PLEKHA4: variants seen among roughly 807,000 people sequenced by gnomAD.
PLEKHA4 encodes the protein pleckstrin homology domain containing A4, also known as pleckstrin homology domain-containing family A member 4.
PLEKHA4 carries 73 observed loss-of-function variants against 94.7 expected under a neutral mutation model. The ratio of observed to expected loss-of-function variants is 0.77; its 90% CI spans 0.64 to 0.94. The LOEUF is 0.94. PLEKHA4 is among the 40% of genes least tolerant of loss of function. The pLI is 0.00. For missense variants in PLEKHA4, 1,049 were observed against 1,054.1 expected (o/e 1.00, Z 0.07); for synonymous variants, 449 against 437.1 (o/e 1.03, Z -0.34).
intron 13 of PLEKHA4, among the ~76,000 whole-genome samples, chr19:48,850,951 C>T (rs1270925705): frequency 6.6e-6 from 1 of 151,828 alleles, no homozygotes; most frequent in Admixed American, 6.6e-5. Context: ...ACCAGCCTGA[C>T]CAACATGGTG....
chr19:48,859,203 C>T, intron 7 of PLEKHA4, 64 bp from the exon 8 acceptor site: 1 of 1,268,638 alleles, frequency 7.9e-7, no homozygotes, highest in Non-Finnish European at 1.1e-6. Context: ...CCTCCTTACC[C>T]ATCAAGTCAG....
At position 48,854,043 on chromosome 19, in the gene PLEKHA4, C is replaced by G. The variant is rs146562202; in HGVS notation, c.1140G>C (p.Arg380Ser). ...GCTTCTGGTCTATCTCCTCCTGCAG[C>G]CTCCGCAGAAGCCGGTCCTGCCCGC... ...KLCGQDRLLR[R>S]LQEEIDQKQE... The change falls in exon 11 of 20, where the codon AGG becomes AGC. Residue 380 changes from arginine to serine, a missense_variant. Physicochemically the swap from Arg to Ser is moderately radical, Grantham distance 110. Coordinates refer to ENST00000263265, the MANE Select transcript of PLEKHA4 (RefSeq NM_020904.3). The G allele has an allele frequency of 3.7e-6, 6 of 1,614,062 alleles. No homozygotes were observed. In the African/African-American group the frequency reaches 4.0e-5, roughly 11 times the overall value.
At position 48,854,402 on chromosome 19, in the gene PLEKHA4, T is replaced by C. The variant is rs573228351; in HGVS notation, c.1048-138A>G. 5 of 773,996 alleles carry C rather than the reference T, an allele frequency of 6.5e-6. No homozygotes were observed. In the East Asian group the frequency reaches 1.1e-4, roughly 17 times the overall value. The allele number at this position is 773,996 out of a possible 1,614,324, so 47.9% of individuals were successfully genotyped here. ...TATTTATTTAGAGATAGGGTCTTGCTCTGTCACCCAAGCTGGTGTGCAGTC... is the reference window on the plus strand; with the variant it reads ...TATTTATTTAGAGATAGGGTCTTGCCCTGTCACCCAAGCTGGTGTGCAGTC... On this transcript the variant is annotated intron_variant, in intron 9 of 19. Transcript: ENST00000263265.
rs562000071 is a variant in PLEKHA4, at chr19:48,844,304, G to A, written c.1743+1066C>T. On this transcript the variant is annotated intron_variant, in intron 16 of 19. Coordinates refer to ENST00000263265, the MANE Select transcript of PLEKHA4 (RefSeq NM_020904.3). ...CAAGTAGCTGGGATTACAGGCACCCGCCATCACGCTCGGATAATTTTTGTA... is the reference window on the plus strand; with the variant it reads ...CAAGTAGCTGGGATTACAGGCACCCACCATCACGCTCGGATAATTTTTGTA... 214 of 265,158 alleles carry A rather than the reference G, an allele frequency of 8.1e-4. 1 individual carries two copies. Among genetic ancestry groups the A allele is most frequent in the African/African-American group, 4.4e-3 (190 of 42,982 alleles). The allele number at this position is 265,158 out of a possible 1,614,324, so 16.4% of individuals were successfully genotyped here.
At chr19:48,846,183 G>A (rs1352986176) in intron 14 of PLEKHA4, among the ~76,000 whole-genome samples, 1 of 151,922 alleles carries the variant, frequency 6.6e-6, no homozygotes, top group Non-Finnish European at 1.5e-5. Flanking sequence ...GCTGGGCGCG[G>A]TGGCTCATGC....
In PLEKHA4 at chr19:48,837,660, C is replaced by T. The variant is rs1490520371; in HGVS notation, c.2078-109G>A. 17 of 1,369,332 alleles carry T rather than the reference C, an allele frequency of 1.2e-5. No individual in the cohort carries two copies. In the African/African-American group the frequency reaches 2.3e-4, roughly 19 times the overall value. 84.8% of individuals were successfully genotyped at this position (1,369,332 alleles called of 1,614,324 possible). A position where few individuals can be genotyped will look rare whatever the true frequency, so the allele number is the denominator to read the frequency against. On this transcript the variant is annotated intron_variant, in intron 19 of 19. Transcript: ENST00000263265. This position sits in a 1 kb window ranked among gnomAD's most constrained non-coding sequence, Gnocchi z 4.3. ...GACTCCGGATTCCCAGCCCCTCCTCCATCAGACCCAGGAGTCCAGGCCCCC... is the reference window on the plus strand; with the variant it reads ...GACTCCGGATTCCCAGCCCCTCCTCTATCAGACCCAGGAGTCCAGGCCCCC...
intron 6 of PLEKHA4, chr19:48,860,011 T>G: frequency 1.8e-6 from 1 of 557,022 alleles, no homozygotes; most frequent in Non-Finnish European, 3.2e-6. Flanking sequence ...AATCTGATAC[T>G]ATCTTTTACC....
chr19:48,844,024 C>T (rs922868318), intron 16 of PLEKHA4, among the ~76,000 whole-genome samples: 2 of 151,840 alleles, frequency 1.3e-5, no homozygotes, highest in South Asian at 2.1e-4. Flanking sequence ...TGCTCTTGAA[C>T]GCCTGGACTC....
At chr19:48,840,613 C>CG (rs2035723999) in intron 17 of PLEKHA4, among the ~76,000 whole-genome samples, 1 of 151,660 alleles carries the variant, frequency 6.6e-6, no homozygotes, top group African/African-American at 2.4e-5. Context: ...TTAGTAGAGA[C>CG]GGGGTTTCTC....
intron 13 of PLEKHA4, among the ~76,000 whole-genome samples, chr19:48,849,736 A>G (rs2036107987): frequency 6.6e-6 from 1 of 152,246 alleles, no homozygotes. Context: ...GAATGGGTTC[A>G]GAACTGGAAC....
chr19:48,860,128 G>A (rs1051954173), intron 6 of PLEKHA4: 5 of 588,728 alleles, frequency 8.5e-6, no homozygotes, highest in Non-Finnish European at 1.5e-5. Flanking sequence ...TGAAGGGTCA[G>A]CTTGGGGGCG....
chr19:48,843,904 C>A (rs1261531251), intron 16 of PLEKHA4, among the ~76,000 whole-genome samples: 1 of 150,496 alleles, frequency 6.6e-6, no homozygotes. Flanking sequence ...GTGATCCACC[C>A]GCCTCGGCAT....
intron 9 of PLEKHA4, among the ~76,000 whole-genome samples, chr19:48,856,589 G>A (rs558046607): frequency 2.6e-5 from 4 of 152,106 alleles, no homozygotes; most frequent in South Asian, 2.1e-4. Context: ...ATGGTGGCAC[G>A]TGCCTGTAAT....
intron 14 of PLEKHA4, 114 bp from the exon 15 acceptor site, chr19:48,845,730 C>T: frequency 1.1e-6 from 1 of 905,276 alleles, no homozygotes; most frequent in Non-Finnish European, 1.6e-6. Flanking sequence ...AGACCATAAA[C>T]CAGGCCGGGC....
chr19:48,853,739 C>T lies in PLEKHA4; in HGVS notation c.1269G>A (p.Gln423=). The T allele has an allele frequency of 6.2e-7, 1 of 1,611,516 alleles. No individual in the cohort carries two copies. Among genetic ancestry groups the T allele is most frequent in the Non-Finnish European group, 8.5e-7 (1 of 1,179,266 alleles). The change falls in exon 12 of 20, where the codon CAG becomes CAA. Residue 423 remains glutamine, a synonymous_variant. Transcript: ENST00000263265. ...AGAPGRAWGR[Q]RLLQDRLVSV... ...TGACCAGCCGGTCCTGCAAGAGGCG[C>T]TGGCGACCCCAGGCCCTCCCGGGAG...
chr19:48,861,359 A>G (rs1440938909), intron 5 of PLEKHA4, 42 bp downstream of exon 5: 3 of 1,532,332 alleles, frequency 2.0e-6, no homozygotes, highest in Non-Finnish European at 2.7e-6. Flanking sequence ...CCTCATCTCC[A>G]GTTCCCATCG....
chr19:48,845,492 A>C (rs2035933231), intron 15 of PLEKHA4, 25 bp downstream of exon 15: 1 of 1,613,454 alleles, frequency 6.2e-7, no homozygotes. Context: ...ATTTCCGTAA[A>C]GTCCCACCCA....
chr19:48,859,723 C>T (rs1174070017), intron 6 of PLEKHA4, 39 bp from the exon 7 acceptor site: 1 of 1,559,594 alleles, frequency 6.4e-7, no homozygotes, highest in South Asian at 1.1e-5. Flanking sequence ...CTCCTTCGAA[C>T]TTCATAACAG....
At position 48,859,498 on chromosome 19, in the gene PLEKHA4, T is replaced by G. The variant is rs1599920547; in HGVS notation, c.663A>C (p.Gly221=). The G allele has an allele frequency of 6.2e-7, 1 of 1,613,540 alleles. No individual in the cohort carries two copies. The highest frequency in any genetic ancestry group is 8.5e-7 in the Non-Finnish European group (1 of 1,179,930). Residue 221 remains glycine, a synonymous_variant, in exon 7 of 20, where the codon GGA becomes GGC. Transcript: ENST00000263265. The part of the protein sequence containing the change: ...TPSPTTDLHS[G]LQMRRARSPD... ...GGCTCCTCGCCCTCCGCATCTGGAG[T>G]CCAGAGTGGAGGTCGGTTGTGGGGC...
Sources: gnomAD v4.1 joint callset for allele counts (sites outside exome capture counted in the v4.1 genomes callset) on GRCh38, gnomAD v4.1.1 for gene constraint, Gnocchi (gnomAD v3.1) non-coding constraint, MANE v1.5 for transcripts, NCBI Gene and HGNC (gene_info 2026-07-23, HGNC 2026-07-21) for gene names.